The following SUGP1 variants were observed in gnomAD, a reference collection of about 807,000 sequenced individuals.
SUGP1 encodes the protein SURP and G-patch domain containing 1.
In SUGP1, 34 loss-of-function variants were observed where a neutral mutation model predicts 76.5. That is an observed-to-expected ratio of 0.44 (90% CI 0.34 to 0.59). The LOEUF (loss-of-function observed/expected upper bound fraction) is 0.59, where lower values mean the gene tolerates loss of function less well. Ranked by LOEUF, SUGP1 falls within the 20% of genes least tolerant of loss-of-function variation. The probability of loss-of-function intolerance (pLI) is 0.01; values close to 1 mark genes in which losing one functional copy is unlikely to be tolerated. For missense variants in SUGP1, 752 were observed against 851.7 expected, an observed-to-expected ratio of 0.88 and a Z score of 1.46; for synonymous variants, 326 against 326.2, an observed-to-expected ratio of 1.00 and a Z score of 0.01.
intron 7 of SUGP1, 73 bp from the exon 8 acceptor site, chr19:19,297,417 T>TTCTGGCCTTCTGGGCAGGAGCAGA: frequency 7.5e-7 from 1 of 1,334,298 alleles, no homozygotes; most frequent in Non-Finnish European, 1.0e-6. Context: ...GCAGGAGCAG[T>TTCTGGCCTTCTGGGCAGGAGCAGA]TCTGGCCTTG....
intron 12 of SUGP1, among the ~76,000 whole-genome samples, chr19:19,277,458 G>T (rs1465118339): frequency 6.6e-6 from 1 of 152,126 alleles, no homozygotes; most frequent in Non-Finnish European, 1.5e-5. Flanking sequence ...CCCTTCACAA[G>T]GCAGACAAGG....
chr19:19,280,747 G>GTAAGACTCAGCTGTGCGAC (rs984306737), intron 8 of SUGP1: 1 of 158,588 alleles, frequency 6.3e-6, no homozygotes, highest in Non-Finnish European at 1.4e-5. Context: ...AGAGTCTGGC[G>GTAAGACTCAGCTGTGCGAC]TAAGACTCAG....
chr19:19,296,598 A>T (rs2146608213), intron 8 of SUGP1, among the ~76,000 whole-genome samples: 1 of 151,908 alleles, frequency 6.6e-6, no homozygotes, highest in African/African-American at 2.4e-5. Flanking sequence ...GGTGAGCTGA[A>T]ATCGCACCAC....
chr19:19,308,103 A>G (rs2061329712), intron 3 of SUGP1, among the ~76,000 whole-genome samples: 1 of 152,062 alleles, frequency 6.6e-6, no homozygotes, highest in Admixed American at 6.6e-5. Context: ...ATCTCCACTC[A>G]CTGCTACCTC....
chr19:19,297,365 G>C, intron 7 of SUGP1, 21 bp from the exon 8 acceptor site: 1 of 1,430,470 alleles, frequency 7.0e-7, no homozygotes, highest in Non-Finnish European at 9.4e-7. Context: ...GAGTTGGGGG[G>C]TGCAGTGTCA....
chr19:19,282,338 C>T (rs555937968), intron 8 of SUGP1, among the ~76,000 whole-genome samples: 1 of 151,054 alleles, frequency 6.6e-6, no homozygotes, highest in African/African-American at 2.4e-5. Context: ...GTGGCTCATG[C>T]CTGTAATCCC....
chr19:19,277,841 G>A lies in SUGP1; in HGVS notation c.1674C>T (p.Phe558=), dbSNP rs1228432652. Residue 558 remains phenylalanine, a synonymous_variant, in exon 12 of 14, where the codon TTC becomes TTT. Coordinates refer to ENST00000247001, the MANE Select transcript of SUGP1 (RefSeq NM_172231.4). The stretch of plus-strand genomic sequence containing the variant: ...AGCCGATGTTCTCCACAGTCAGCTT[G>A]AACTCCTTGTACTCTGAGTAGTCAG... ...REPDYSEYKE[F]KLTVENIGYQ... The A allele has an allele frequency of 6.2e-7, 1 of 1,613,918 alleles. No individual in the cohort carries two copies. Among genetic ancestry groups the A allele is most frequent in the Non-Finnish European group, 8.5e-7 (1 of 1,180,004 alleles).
rs764278070 is a variant in SUGP1 at position 19,305,963 on chromosome 19, G to A, written c.424C>T (p.Pro142Ser). ...TGLGLASLPG[P>S]VKSYSHAKQL... is the part of the protein sequence containing the mutation. The stretch of plus-strand genomic sequence containing the variant: ...TTGGCGTGGGAGTAGCTCTTCACAG[G>A]GCCCGGCAGGCTGGCCAGCCCCAGG... Residue 142 changes from proline (P) to serine (S), a missense_variant, in exon 4 of 14, where the codon CCT becomes TCT. Around this residue, in one of 2 missense-constraint regions of SUGP1, gnomAD observed 620 missense variants for 617.3 expected, o/e 1.00. Transcript: ENST00000247001. 5.6e-6 allele frequency: 9 copies of A among 1,612,466 alleles called. No individual in the cohort carries two copies. The highest frequency in any genetic ancestry group is 7.6e-6 in the Non-Finnish European group (9 of 1,179,868).
In SUGP1 at chr19:19,297,094, T is replaced by G. The variant is rs778212982; in HGVS notation, c.1138A>C (p.Lys380Gln). The G allele has an allele frequency of 3.5e-5, 56 of 1,613,714 alleles. No individual in the cohort carries two copies. The highest frequency in any genetic ancestry group is 4.2e-5 in the Non-Finnish European group (50 of 1,179,950). ...CCCCACCGGCTCTTCCGCTTCCTCTTCACGGTGGCTGCGGAGGCTGGCTTC... is the reference window on the plus strand; with the variant it reads ...CCCCACCGGCTCTTCCGCTTCCTCTGCACGGTGGCTGCGGAGGCTGGCTTC... ...PGKPASAATV[K>Q]RKRKSRWGPE... is the part of the protein sequence containing the mutation. Residue 380 changes from lysine (K) to glutamine (Q), a missense_variant, in exon 8 of 14, where the codon AAG becomes CAG. Lys to Gln is a moderately conservative substitution (Grantham distance 53). This residue lies in a region of SUGP1 where 620 missense variants were observed against 617.3 expected (regional missense o/e 1.00). Transcript: ENST00000247001.
chr19:19,317,689 T>A (rs1193276850), intron 1 of SUGP1, among the ~76,000 whole-genome samples: 1 of 152,096 alleles, frequency 6.6e-6, no homozygotes, highest in East Asian at 1.9e-4. Flanking sequence ...GGCTAATTTT[T>A]AAATTTTTTC....
At chr19:19,280,102 C>T in intron 9 of SUGP1, 83 bp downstream of exon 9, 2 of 1,350,622 alleles carry the variant, frequency 1.5e-6, no homozygotes, top group South Asian at 2.5e-5. Flanking sequence ...ACATGAACCC[C>T]TGTGACCGCT....
intron 12 of SUGP1, 91 bp from the exon 13 acceptor site, chr19:19,277,167 C>T (rs542623600): frequency 3.9e-5 from 49 of 1,252,104 alleles, no homozygotes; most frequent in East Asian, 3.9e-4. Flanking sequence ...GCACCTCCCG[C>T]GGGTGCAGGG....
chr19:19,317,473 G>C (rs1304700426), intron 1 of SUGP1, among the ~76,000 whole-genome samples: 1 of 152,092 alleles, frequency 6.6e-6, no homozygotes, highest in African/African-American at 2.4e-5. Context: ...TTATTATAAG[G>C]GCTTTGGGGA....
intron 7 of SUGP1, 75 bp from the exon 8 acceptor site, chr19:19,297,419 C>CTGGCCTTCTGGGCAGGAGCAGTTT: frequency 1.5e-6 from 2 of 1,323,486 alleles, no homozygotes; most frequent in Non-Finnish European, 1.0e-6. Context: ...AGGAGCAGTT[C>CTGGCCTTCTGGGCAGGAGCAGTTT]TGGCCTTGTG....
At chr19:19,303,879 C>T (rs1362600592) in intron 4 of SUGP1, 32 bp from the exon 5 acceptor site, 3 of 1,612,986 alleles carry the variant, frequency 1.9e-6, no homozygotes, top group Non-Finnish European at 2.5e-6. Flanking sequence ...TGGGGTTCAA[C>T]TCACACACCC....
chr19:19,319,357 C>G (rs543721364), intron 1 of SUGP1, among the ~76,000 whole-genome samples: 67 of 152,232 alleles, frequency 4.4e-4, no homozygotes, highest in African/African-American at 1.2e-3. Flanking sequence ...TACTGGCCCC[C>G]CTCTGTGTGG....
In SUGP1 at chr19:19,288,389, G is replaced by T. The variant is rs1317190079; in HGVS notation, c.1244-8098C>A. Among the ~76,000 whole-genome samples the T allele has an allele frequency of 2.0e-5, 3 of 152,052 alleles. No homozygotes were observed. The East Asian group carries it at 5.8e-4, about 29-fold the overall frequency. On this transcript the variant is annotated intron_variant, in intron 8 of 13. Coordinates refer to ENST00000247001, the MANE Select transcript of SUGP1 (RefSeq NM_172231.4). ...TTTCTTCTAGCTTATTTTATTATAA[G>T]AATATAGTACATAATACATATAACA...
chr19:19,276,877 G>A (rs1156650035), intron 13 of SUGP1, 70 bp downstream of exon 13: 5 of 1,591,540 alleles, frequency 3.1e-6, no homozygotes, highest in African/African-American at 1.3e-5. Context: ...AGGAAGGAAG[G>A]GAGCCTTCTG....
intron 8 of SUGP1, among the ~76,000 whole-genome samples, chr19:19,293,726 A>G (rs1408819712): frequency 6.6e-6 from 1 of 152,238 alleles, no homozygotes; most frequent in African/African-American, 2.4e-5. Context: ...ATCAGCAACA[A>G]GACAAGGATG....
Sources: gnomAD v4.1 joint callset for allele counts (sites outside exome capture counted in the v4.1 genomes callset) on GRCh38, gnomAD v4.1.1 for gene constraint, gnomAD v4.1.1 regional missense constraint, MANE v1.5 for transcripts, NCBI Gene and HGNC (gene_info 2026-07-23, HGNC 2026-07-21) for gene names.